The following ATP11A variants were observed in gnomAD, a reference collection of about 807,000 sequenced individuals.
The protein encoded by ATP11A is phospholipid-transporting ATPase IH.
In ATP11A, 81 loss-of-function variants were observed where a neutral mutation model predicts 154.4. The ratio of observed to expected loss-of-function variants is 0.52; its 90% CI spans 0.44 to 0.63. The LOEUF is 0.63. Ranked by LOEUF, ATP11A falls within the 30% of genes least tolerant of loss-of-function variation. ATP11A has a pLI of 0.00. For missense variants in ATP11A, 1,316 were observed against 1,474.3 expected (o/e 0.89, Z 1.76); for synonymous variants, 623 against 585.9 (o/e 1.06, Z -0.91).
Position 112,875,869 on chromosome 13 carries a change from C to A in ATP11A, c.3255C>A (p.Ile1085=). 1 of 1,613,958 alleles carries A rather than the reference C, an allele frequency of 6.2e-7. No individual in the cohort carries two copies. Among genetic ancestry groups the A allele is most frequent in the Non-Finnish European group, 8.5e-7 (1 of 1,180,042 alleles). The change falls in exon 28 of 30, where the codon ATC becomes ATA. Residue 1085 remains isoleucine (I), a synonymous_variant. Coordinates refer to ENST00000375645, the MANE Select transcript of ATP11A (RefSeq NM_015205.3). The surrounding 1 kb of genome is among the most constrained non-coding windows in gnomAD (Gnocchi z 4.1). Reference sequence around the variant, plus strand: ...TGGCCATCGTGCTGCTGGTGACCATCAGCCTCCTTCCCGACGTCCTCAAGA... The same window carrying A: ...TGGCCATCGTGCTGCTGGTGACCATAAGCCTCCTTCCCGACGTCCTCAAGA... ...AWLAIVLLVT[I]SLLPDVLKKV...
At chr13:112,857,957 C>T (rs763748638) in intron 21 of ATP11A, 37 bp downstream of exon 21, 22 of 1,603,970 alleles carry the variant, frequency 1.4e-5, no homozygotes, top group Non-Finnish European at 1.6e-5. Flanking sequence ...ATCCTGGTGG[C>T]CAGGTCACCC....
At chr13:112,741,692 C>T (rs1891568655) in intron 1 of ATP11A, among the ~76,000 whole-genome samples, 2 of 152,128 alleles carry the variant, frequency 1.3e-5, no homozygotes, top group Admixed American at 6.5e-5. Flanking sequence ...CGCCAAGCCA[C>T]CTCTCTCTCT....
intron 17 of ATP11A, among the ~76,000 whole-genome samples, chr13:112,850,533 A>G (rs1480558689): frequency 6.6e-6 from 1 of 152,224 alleles, no homozygotes; most frequent in Non-Finnish European, 1.5e-5. Flanking sequence ...TGTGCAACCA[A>G]TGATTTTGAT....
intron 16 of ATP11A, among the ~76,000 whole-genome samples, chr13:112,841,786 G>A (rs1202081263): frequency 6.6e-6 from 1 of 152,258 alleles, no homozygotes; most frequent in Non-Finnish European, 1.5e-5. Context: ...TGTCCACAGC[G>A]ATCACAGTGT....
intron 1 of ATP11A, among the ~76,000 whole-genome samples, chr13:112,710,569 C>T (rs904674794): frequency 5.3e-5 from 8 of 152,194 alleles, no homozygotes; most frequent in Non-Finnish European, 1.2e-4. Flanking sequence ...CAGGAGGCGG[C>T]GGAGGCCTCT....
At position 112,697,459 on chromosome 13, in the gene ATP11A, A is replaced by T. The variant is rs1263041190; in HGVS notation, c.39+7004A>T. On this transcript the variant is annotated intron_variant, in intron 1 of 29. Transcript: ENST00000375645. This position sits in a 1 kb window ranked among gnomAD's most constrained non-coding sequence, Gnocchi z 4.0. ...AGTGATGAAGAGGTTGCCATTGGCA[A>T]TTCGGAAGGGAATTCAGGGAGAGCA... 6.6e-6 allele frequency among the ~76,000 whole-genome samples: 1 copy of T among 152,008 alleles called. No homozygotes were observed. Among genetic ancestry groups the T allele is most frequent in the African/African-American group, 2.4e-5 (1 of 41,392 alleles).
At chr13:112,874,231 G>A (rs9603976) in intron 27 of ATP11A, among the ~76,000 whole-genome samples, 3,590 of 152,288 alleles carry the variant, frequency 0.024, 144 homozygotes, top group African/African-American at 0.081. Flanking sequence ...ACGCAGGCCC[G>A]GGCGGGAGGA....
In ATP11A at chr13:112,696,239, G is replaced by A. The variant is rs1885786999; in HGVS notation, c.39+5784G>A. On this transcript the variant is annotated intron_variant, in intron 1 of 29. Transcript: ENST00000375645. This position sits in a 1 kb window ranked among gnomAD's most constrained non-coding sequence, Gnocchi z 6.2. Reference sequence around the variant, plus strand: ...GTCTTTGTTGCGCGCATGGACCTGCGGCTGCATCACCGTCCATGCTTCTGG... The same window carrying A: ...GTCTTTGTTGCGCGCATGGACCTGCAGCTGCATCACCGTCCATGCTTCTGG... Among the ~76,000 whole-genome samples the A allele has an allele frequency of 6.6e-6, 1 of 152,192 alleles. No homozygotes were observed. Among genetic ancestry groups the A allele is most frequent in the African/African-American group, 2.4e-5 (1 of 41,450 alleles).
chr13:112,702,814 C>T (rs768249295), intron 1 of ATP11A, among the ~76,000 whole-genome samples: 15 of 152,248 alleles, frequency 9.9e-5, no homozygotes, highest in African/African-American at 2.4e-4. Flanking sequence ...GCCCCCACCT[C>T]GGTGTCTCAG....
rs1271399433 is a variant in ATP11A, at chr13:112,859,025, C to G, written c.2668-368C>G. On this transcript the variant is annotated intron_variant, in intron 22 of 29. Coordinates refer to ENST00000375645, the MANE Select transcript of ATP11A (RefSeq NM_015205.3). This position sits in a 1 kb window ranked among gnomAD's most constrained non-coding sequence, Gnocchi z 4.3. ...GGAGGAGACCCCCAGCCCTTTTCTC[C>G]CCCCACAGAATTGAGTGTGGAACCA... 1.1e-5 allele frequency: 3 copies of G among 282,392 alleles called. No homozygotes were observed. The highest frequency in any genetic ancestry group is 4.5e-5 in the African/African-American group (2 of 44,900). The allele number at this position is 282,392 out of a possible 1,614,324, so 17.5% of individuals were successfully genotyped here. A position where few individuals can be genotyped will look rare whatever the true frequency, so the allele number is the denominator to read the frequency against.
At chr13:112,794,006 ACT>A (rs2140089139) in intron 2 of ATP11A, among the ~76,000 whole-genome samples, 1 of 152,264 alleles carries the variant, frequency 6.6e-6, no homozygotes, top group African/African-American at 2.4e-5. Flanking sequence ...GCAGCTGTGG[ACT>A]CTGGCTATGG....
chr13:112,826,558 C>T, intron 11 of ATP11A, 136 bp from the exon 12 acceptor site: 1 of 751,728 alleles, frequency 1.3e-6, no homozygotes, highest in Admixed American at 2.1e-5. Context: ...TAGTCCTTGT[C>T]TTTGGACTCT....
chr13:112,874,311 G>A (rs2080645144), intron 27 of ATP11A, among the ~76,000 whole-genome samples: 1 of 152,230 alleles, frequency 6.6e-6, no homozygotes, highest in African/African-American at 2.4e-5. Context: ...AGGCATGGTG[G>A]CCTCCTGGAC....
At chr13:112,790,157 CCGGCA>C (rs1280827990) in intron 2 of ATP11A, among the ~76,000 whole-genome samples, 2 of 138,582 alleles carry the variant, frequency 1.4e-5, no homozygotes, top group South Asian at 2.6e-4. Flanking sequence ...TAATTCACAC[CCGGCA>C]TCCTGATGTG....
At chr13:112,825,310 C>A in intron 10 of ATP11A, 120 bp from the exon 11 acceptor site, 1 of 1,166,600 alleles carries the variant, frequency 8.6e-7, no homozygotes, top group Non-Finnish European at 1.2e-6. Flanking sequence ...TGAGGGCGAA[C>A]ACATCACTGT....
chr13:112,822,969 C>G (rs937787202), intron 8 of ATP11A, among the ~76,000 whole-genome samples: 13 of 152,118 alleles, frequency 8.5e-5, no homozygotes, highest in African/African-American at 2.9e-4. Flanking sequence ...TCCTGACTGG[C>G]TCCAGGTGCT....
chr13:112,837,785 C>G (rs146755498), intron 16 of ATP11A, among the ~76,000 whole-genome samples: 20 of 152,116 alleles, frequency 1.3e-4, no homozygotes, highest in African/African-American at 4.6e-4. Context: ...CGTCGGGCAC[C>G]CTTCGGATCA....
At position 112,724,825 on chromosome 13, in the gene ATP11A, G is replaced by T. The variant is rs76272973; in HGVS notation, c.39+34370G>T. On this transcript the variant is annotated intron_variant, in intron 1 of 29. Transcript: ENST00000375645. ...GGAAATTCCAAGGGTCCTGAAGCAT[G>T]CTGGGCACCGGAACAGAGGCCAGGT... 6.1e-3 allele frequency among the ~76,000 whole-genome samples: 929 copies of T among 152,280 alleles called. 8 individuals are homozygous for T. The highest frequency in any genetic ancestry group is 0.022 in the African/African-American group (895 of 41,558).
At chr13:112,836,330 G>A in intron 16 of ATP11A, 79 bp downstream of exon 16, 3 of 815,750 alleles carry the variant, frequency 3.7e-6, no homozygotes, top group Non-Finnish European at 5.9e-6. Context: ...TTCTACAGGA[G>A]CTTTAAGGAT....
Sources: gnomAD v4.1 joint callset for allele counts (sites outside exome capture counted in the v4.1 genomes callset) on GRCh38, gnomAD v4.1.1 for gene constraint, Gnocchi (gnomAD v3.1) non-coding constraint, MANE v1.5 for transcripts, NCBI Gene and HGNC (gene_info 2026-07-23, HGNC 2026-07-21) for gene names.